Variants in RIOX2 observed in about 807,000 individuals in gnomAD.
RIOX2 encodes 60S ribosomal protein L27a histidine hydroxylase.
Under a neutral mutation model 51.2 loss-of-function variants are expected in RIOX2, and 43 were observed. The ratio of observed to expected loss-of-function variants is 0.84; its 90% CI spans 0.66 to 1.08. RIOX2 has a LOEUF of 1.08. Ranked by LOEUF, RIOX2 falls within the 50% of genes least tolerant of loss-of-function variation. RIOX2 has a pLI of 0.00. For synonymous variants in RIOX2, 226 were observed against 218.5 expected (o/e 1.03, Z -0.30); for missense variants, 566 against 561.7 (o/e 1.01, Z -0.08).
intron 1 of RIOX2, among the ~76,000 whole-genome samples, chr3:97,971,135 T>A (rs1706113472): frequency 6.6e-6 from 1 of 152,094 alleles, no homozygotes; most frequent in Non-Finnish European, 1.5e-5. Flanking sequence ...GATTCAAGAG[T>A]ATCGTAAAAG....
At chr3:97,963,849 G>A (rs1705774688) in intron 2 of RIOX2, among the ~76,000 whole-genome samples, 1 of 152,120 alleles carries the variant, frequency 6.6e-6, no homozygotes, top group Non-Finnish European at 1.5e-5. Flanking sequence ...AAGAGATCTG[G>A]AGTCAAACCA....
intron 5 of RIOX2, among the ~76,000 whole-genome samples, chr3:97,953,210 T>A (rs1215175793): frequency 2.0e-5 from 3 of 152,110 alleles, no homozygotes; most frequent in Non-Finnish European, 4.4e-5. Context: ...TCCTCTATGC[T>A]CCAAGAGTCT....
chr3:97,948,413 TCTC>T (rs1307150657), intron 7 of RIOX2, among the ~76,000 whole-genome samples: 2 of 152,148 alleles, frequency 1.3e-5, no homozygotes, highest in African/African-American at 4.8e-5. Context: ...GTCTTTGTGT[TCTC>T]CTGTTGAACA....
At chr3:97,950,975 A>C in intron 5 of RIOX2, 87 bp from the exon 6 acceptor site, 1 of 909,550 alleles carries the variant, frequency 1.1e-6, no homozygotes, top group Non-Finnish European at 1.7e-6. Context: ...AGTAAAGCCA[A>C]AAGCTACAAA....
intron 3 of RIOX2, among the ~76,000 whole-genome samples, chr3:97,960,386 G>A (rs1705629346): frequency 6.6e-6 from 1 of 152,050 alleles, no homozygotes; most frequent in South Asian, 2.1e-4. Flanking sequence ...CTTTTCTCCA[G>A]GTTCCTTTAC....
In RIOX2 at chr3:97,957,309, C is replaced by A. The variant is rs4857303; in HGVS notation, c.681+1742G>T. 7.9e-5 allele frequency among the ~76,000 whole-genome samples: 12 copies of A among 151,652 alleles called. No individual in the cohort carries two copies. In the East Asian group the frequency reaches 1.6e-3, roughly 20 times the overall value. On this transcript the variant is annotated intron_variant, in intron 4 of 9. Transcript: ENST00000394198. ...GTCAGGAGTTTGAGACCAGCCTGGC[C>A]AACATGGTGAAACCGTCTCTACTAA...
At chr3:97,970,927 T>G (rs1706103743) in intron 1 of RIOX2, among the ~76,000 whole-genome samples, 1 of 152,204 alleles carries the variant, frequency 6.6e-6, no homozygotes, top group Non-Finnish European at 1.5e-5. Flanking sequence ...AGGAAAGGAT[T>G]TGTATATCCC....
At chr3:97,956,081 G>C (rs916520203) in intron 4 of RIOX2, among the ~76,000 whole-genome samples, 2 of 152,148 alleles carry the variant, frequency 1.3e-5, no homozygotes, top group Non-Finnish European at 2.9e-5. Context: ...CAAAGAAGTA[G>C]GGTTGTTTAG....
intron 1 of RIOX2, among the ~76,000 whole-genome samples, chr3:97,968,155 C>A (rs1050916552): frequency 6.6e-6 from 1 of 152,174 alleles, no homozygotes; most frequent in Non-Finnish European, 1.5e-5. Flanking sequence ...TCAATCAATG[C>A]GCCCTGGACC....
chr3:97,964,696 TAAAAA>T (rs1159985029), intron 2 of RIOX2, among the ~76,000 whole-genome samples: 2 of 60,210 alleles, frequency 3.3e-5, no homozygotes, highest in Admixed American at 4.2e-4. Context: ...GACTCTGTCT[TAAAAA>T]AAAAAAAAAA....
chr3:97,950,049 C>T lies in RIOX2; in HGVS notation c.889-34G>A, dbSNP rs141355708. The T allele has an allele frequency of 4.8e-5, 77 of 1,610,654 alleles. 1 individual carries two copies. In the African/African-American group the frequency reaches 6.3e-4, roughly 13 times the overall value. ...ACAGAAGTGAGTCCTGGCCCAGATG[C>T]CAGCAGAACTTACTGCCCAGCTCAG... On this transcript the variant is annotated intron_variant, in intron 6 of 9. Coordinates refer to ENST00000394198, the MANE Select transcript of RIOX2 (RefSeq NM_153182.4).
chr3:97,955,845 G>C (rs1705431922), intron 4 of RIOX2, among the ~76,000 whole-genome samples: 1 of 152,098 alleles, frequency 6.6e-6, no homozygotes, highest in African/African-American at 2.4e-5. Context: ...CTGCTCCTAG[G>C]CTCCAAACCT....
chr3:97,956,215 T>C (rs914870391), intron 4 of RIOX2, among the ~76,000 whole-genome samples: 1 of 152,244 alleles, frequency 6.6e-6, no homozygotes, highest in Non-Finnish European at 1.5e-5. Flanking sequence ...CTGTCACATA[T>C]ACAGTCTGTT....
intron 4 of RIOX2, among the ~76,000 whole-genome samples, chr3:97,957,495 T>TAA (rs35134649): frequency 0.25 from 32,667 of 131,046 alleles, 4,485 homozygotes; most frequent in Middle Eastern, 0.32. Flanking sequence ...GACTCTGTCT[T>TAA]AAAAAAAAAA....
intron 1 of RIOX2, among the ~76,000 whole-genome samples, chr3:97,971,069 A>T (rs1268648800): frequency 6.6e-6 from 1 of 152,254 alleles, no homozygotes; most frequent in African/African-American, 2.4e-5. Flanking sequence ...AGTTACGGAA[A>T]AAACAGATGG....
chr3:97,948,599 C>T (rs369837400), intron 7 of RIOX2, among the ~76,000 whole-genome samples: 3 of 152,162 alleles, frequency 2.0e-5, no homozygotes, highest in Non-Finnish European at 4.4e-5. Flanking sequence ...TGACCACTTC[C>T]GCTTTACCAT....
chr3:97,952,444 G>A (rs1214604880), intron 5 of RIOX2, among the ~76,000 whole-genome samples: 1 of 152,196 alleles, frequency 6.6e-6, no homozygotes, highest in African/African-American at 2.4e-5. Flanking sequence ...AGTGAGTCAG[G>A]TCCTTAGCAG....
In RIOX2 at chr3:97,959,330, T is replaced by C. The variant is rs1019253287; in HGVS notation, c.553-151A>G. 1,197 of 707,716 alleles carry C rather than the reference T, an allele frequency of 1.7e-3. 1 individual carries two copies. The highest frequency in any genetic ancestry group is 2.2e-3 in the Non-Finnish European group (1,052 of 475,026). 43.8% of individuals were successfully genotyped at this position (707,716 alleles called of 1,614,324 possible). A position where few individuals can be genotyped will look rare whatever the true frequency, so the allele number is the denominator to read the frequency against. On this transcript the variant is annotated intron_variant, in intron 3 of 9. Transcript: ENST00000394198. ...GGTTTTTTTTTTTTTTTTTTTTTTT[T>C]AGTTGTTATAGACAGTCTCATTCTC...
At position 97,945,907 on chromosome 3, in the gene RIOX2, G is replaced by C. The variant is rs1198600630; in HGVS notation, c.1150-20C>G. 1.9e-6 allele frequency: 3 copies of C among 1,539,580 alleles called. No individual in the cohort carries two copies. The highest frequency in any genetic ancestry group is 1.7e-5 in the Admixed American group (1 of 59,558). ...TTCATCCTTTGGGGAAAAAATAAAT[G>C]CATTAGGCCATCAACAACACAACAC... On this transcript the variant is annotated intron_variant, in intron 8 of 9. Transcript: ENST00000394198.
Sources: gnomAD v4.1 joint callset for allele counts (sites outside exome capture counted in the v4.1 genomes callset) on GRCh38, gnomAD v4.1.1 for gene constraint, MANE v1.5 for transcripts, NCBI Gene and HGNC (gene_info 2026-07-23, HGNC 2026-07-21) for gene names.